ANXA11: variants seen among roughly 807,000 people sequenced by gnomAD.
The protein encoded by ANXA11 is annexin A11, also known as 56 kDa autoantigen.
A neutral mutation model predicts 64.7 loss-of-function variants in ANXA11; 57 were observed. That is an observed-to-expected ratio of 0.88 (90% CI 0.71 to 1.10). The LOEUF (loss-of-function observed/expected upper bound fraction) is 1.10, where lower values mean the gene tolerates loss of function less well. Among genes scored for constraint, ANXA11 ranks in the 50% least tolerant of loss-of-function variants. The probability of loss-of-function intolerance (pLI) is 0.00; values close to 1 mark genes in which losing one functional copy is unlikely to be tolerated. For synonymous variants in ANXA11, 260 were observed against 265.2 expected (o/e 0.98, Z 0.19); for missense variants, 675 against 670.7 (o/e 1.01, Z -0.07).
Position 80,169,257 on chromosome 10 carries a change from C to A in ANXA11, c.273G>T (p.Gly91=). Residue 91 remains glycine, a synonymous_variant, in exon 5 of 16, where the codon GGG becomes GGT. Coordinates refer to ENST00000422982, the MANE Select transcript of ANXA11 (RefSeq NM_145868.2). ...GYPPVPPGGF[G]QPPSAQQPVP... is the part of the protein sequence containing the mutation. ...CAGGCTGCTGGGCAGAGGGGGGCTGCCCAAAGCCGCCAGGGGGCACTGGTG... is the reference window on the plus strand; with the variant it reads ...CAGGCTGCTGGGCAGAGGGGGGCTGACCAAAGCCGCCAGGGGGCACTGGTG... 6.2e-7 allele frequency: 1 copy of A among 1,611,736 alleles called. No homozygotes were observed. The highest frequency in any genetic ancestry group is 2.2e-5 in the East Asian group (1 of 44,868).
intron 1 of ANXA11, among the ~76,000 whole-genome samples, chr10:80,188,410 TCTC>T (rs1846627487): frequency 6.7e-6 from 1 of 148,732 alleles, no homozygotes; most frequent in African/African-American, 2.5e-5. Context: ...TCTGAGCCTT[TCTC>T]CTCACCTGTG....
chr10:80,203,861 G>A (rs1402159805), intron 1 of ANXA11, among the ~76,000 whole-genome samples: 2 of 152,202 alleles, frequency 1.3e-5, no homozygotes, highest in Non-Finnish European at 2.9e-5. Flanking sequence ...CCAGAAAGAC[G>A]GTTCAGGAGA....
intron 2 of ANXA11, among the ~76,000 whole-genome samples, chr10:80,174,716 C>T (rs1846105261): frequency 6.6e-6 from 1 of 151,334 alleles, no homozygotes; most frequent in Non-Finnish European, 1.5e-5. Flanking sequence ...CGCAACCATC[C>T]CTGGCTAATT....
Position 80,154,917 on chromosome 10 carries a change from T to C in ANXA11, c.*936A>G, listed in dbSNP as rs1845226417. The C allele has an allele frequency of 6.6e-6, 1 of 152,292 alleles. No individual in the cohort carries two copies. Among genetic ancestry groups the C allele is most frequent in the Non-Finnish European group, 1.5e-5 (1 of 68,126 alleles). 9.4% of individuals were successfully genotyped at this position (152,292 alleles called of 1,614,324 possible). A position where few individuals can be genotyped will look rare whatever the true frequency, so the allele number is the denominator to read the frequency against. The stretch of plus-strand genomic sequence containing the variant: ...GCACCTGCAACCAACCAAGATCCCT[T>C]TGCCTTTCAGGTGTCTGGGCCTCCT... On this transcript the variant is annotated 3_prime_UTR_variant, in exon 16 of 16. Transcript: ENST00000422982.
chr10:80,189,718 C>T (rs577364805), intron 1 of ANXA11, among the ~76,000 whole-genome samples: 3 of 152,316 alleles, frequency 2.0e-5, no homozygotes, highest in African/African-American at 7.2e-5. Context: ...TGTTGGAGCT[C>T]ACAAAGTTTC....
intron 1 of ANXA11, among the ~76,000 whole-genome samples, chr10:80,188,278 A>G (rs1459816138): frequency 6.6e-6 from 1 of 151,660 alleles, no homozygotes; most frequent in African/African-American, 2.4e-5. Flanking sequence ...CTCTGATATC[A>G]TCTTCTAACA....
intron 1 of ANXA11, among the ~76,000 whole-genome samples, chr10:80,199,927 G>A (rs1046924488): frequency 2.0e-5 from 3 of 152,136 alleles, no homozygotes; most frequent in East Asian, 3.9e-4. Flanking sequence ...CTTGGGGCCC[G>A]CGTCTTTCTG....
At position 80,166,036 on chromosome 10, in the gene ANXA11, A is replaced by ATG. The variant is rs1554831665; in HGVS notation, c.858+47_858+48insCA. 6.1e-3 allele frequency: 5,893 copies of ATG among 969,952 alleles called. 22 individuals are homozygous for ATG. Among genetic ancestry groups the ATG allele is most frequent in the African/African-American group, 0.02 (1,038 of 52,208 alleles). 60.1% of individuals were successfully genotyped at this position (969,952 alleles called of 1,614,324 possible). On this transcript the variant is annotated intron_variant, in intron 8 of 15. Coordinates refer to ENST00000422982, the MANE Select transcript of ANXA11 (RefSeq NM_145868.2). ...CACACGCATGCGCGCGTGCGCACAC[A>ATG]CGCGCGCACACACACACACACACAC...
intron 11 of ANXA11, among the ~76,000 whole-genome samples, chr10:80,162,661 G>A (rs903207004): frequency 1.3e-5 from 2 of 152,246 alleles, no homozygotes; most frequent in African/African-American, 4.8e-5. Flanking sequence ...GGCATTCCTT[G>A]AGGTCTCATT....
In ANXA11 at chr10:80,200,544, T is replaced by G. The variant is rs1840375284; in HGVS notation, c.-58+4799A>C. ...AGGCTAGAACTCCCACAAATATAAGTAGAGCTGGACTTTAAAAAACTACAG... is the reference window on the plus strand; with the variant it reads ...AGGCTAGAACTCCCACAAATATAAGGAGAGCTGGACTTTAAAAAACTACAG... On this transcript the variant is annotated intron_variant, in intron 1 of 15. Coordinates refer to ENST00000422982, the MANE Select transcript of ANXA11 (RefSeq NM_145868.2). 2.0e-5 allele frequency among the ~76,000 whole-genome samples: 3 copies of G among 152,172 alleles called. No individual in the cohort carries two copies. The South Asian group carries it at 6.2e-4, about 32-fold the overall frequency.
chr10:80,172,055 T>A (rs1317036062), intron 3 of ANXA11, among the ~76,000 whole-genome samples: 1 of 152,006 alleles, frequency 6.6e-6, no homozygotes, highest in Non-Finnish European at 1.5e-5. Context: ...TCCAAAGAAA[T>A]CAATGATGCC....
At chr10:80,186,395 A>G (rs1037169562) in intron 1 of ANXA11, among the ~76,000 whole-genome samples, 1 of 151,896 alleles carries the variant, frequency 6.6e-6, no homozygotes, top group Admixed American at 6.6e-5. Flanking sequence ...GCTGTGTTGG[A>G]TTTTCCAGCC....
At chr10:80,196,874 G>C (rs752282328) in intron 1 of ANXA11, among the ~76,000 whole-genome samples, 8 of 152,172 alleles carry the variant, frequency 5.3e-5, no homozygotes, top group Non-Finnish European at 8.8e-5. Flanking sequence ...TGGCACCTGG[G>C]GCAGCTCAGC....
chr10:80,176,946 T>C (rs1180235829), intron 1 of ANXA11, among the ~76,000 whole-genome samples: 1 of 151,880 alleles, frequency 6.6e-6, no homozygotes, highest in African/African-American at 2.4e-5. Flanking sequence ...CCCTCTGTCA[T>C]TCTCTGCCTG....
At chr10:80,157,508 C>A in intron 15 of ANXA11, 133 bp downstream of exon 15, 1 of 1,484,230 alleles carries the variant, frequency 6.7e-7, no homozygotes. Flanking sequence ...AGGGGATGAA[C>A]AAGTCCGAGG....
rs756529800 is a variant in ANXA11, at chr10:80,167,004, G to A, written c.650-20C>T. On this transcript the variant is annotated intron_variant, in intron 6 of 15. Coordinates refer to ENST00000422982, the MANE Select transcript of ANXA11 (RefSeq NM_145868.2). ...CCGTCCCTGGAGGAAGAGGCAGCAG[G>A]GGTGGGTCGGGTAGGGGTCATGAGA... 5.2e-6 allele frequency: 8 copies of A among 1,549,156 alleles called. No homozygotes were observed. Among genetic ancestry groups the A allele is most frequent in the East Asian group, 2.4e-5 (1 of 42,410 alleles).
intron 2 of ANXA11, among the ~76,000 whole-genome samples, chr10:80,175,693 T>C (rs1846144522): frequency 6.6e-6 from 1 of 152,216 alleles, no homozygotes; most frequent in South Asian, 2.1e-4. Flanking sequence ...TGAACAGATC[T>C]GGCAGTTACA....
chr10:80,196,271 G>C (rs1840160728), intron 1 of ANXA11, among the ~76,000 whole-genome samples: 1 of 152,212 alleles, frequency 6.6e-6, no homozygotes, highest in South Asian at 2.1e-4. Context: ...GCCAGAGCCA[G>C]ACACTTTTTT....
At chr10:80,202,715 G>A (rs369271913) in intron 1 of ANXA11, among the ~76,000 whole-genome samples, 1 of 152,120 alleles carries the variant, frequency 6.6e-6, no homozygotes, top group Non-Finnish European at 1.5e-5. Flanking sequence ...CAAGTGCCAG[G>A]AACTGCTTCA....
Sources: gnomAD v4.1 joint callset for allele counts (sites outside exome capture counted in the v4.1 genomes callset) on GRCh38, gnomAD v4.1.1 for gene constraint, MANE v1.5 for transcripts, NCBI Gene and HGNC (gene_info 2026-07-23, HGNC 2026-07-21) for gene names.